The following MAGI1 variants were observed in gnomAD, a reference collection of about 807,000 sequenced individuals.
MAGI1 encodes membrane associated guanylate kinase, WW and PDZ domain containing 1.
A neutral mutation model predicts 139.9 loss-of-function variants in MAGI1; 58 were observed. The ratio of observed to expected loss-of-function variants is 0.41; its 90% CI spans 0.34 to 0.52. The LOEUF (loss-of-function observed/expected upper bound fraction) is 0.52. Among genes scored for constraint, MAGI1 ranks in the 20% least tolerant of loss-of-function variants. The pLI is 0.12. For synonymous variants in MAGI1, 812 were observed against 737.9 expected, an observed-to-expected ratio of 1.10 and a Z score of -1.63; for missense variants, 1,874 against 1,901.6, an observed-to-expected ratio of 0.99 and a Z score of 0.27.
chr3:65,640,432 A>C (rs1243920604), intron 1 of MAGI1, among the ~76,000 whole-genome samples: 1 of 152,134 alleles, frequency 6.6e-6, no homozygotes, highest in South Asian at 2.1e-4. Context: ...AGAGCCTCTG[A>C]TACTTATCTT....
chr3:65,725,770 C>G (rs1414070043), intron 1 of MAGI1, among the ~76,000 whole-genome samples: 1 of 152,256 alleles, frequency 6.6e-6, no homozygotes, highest in African/African-American at 2.4e-5. Context: ...GGGAGCAGCA[C>G]AGTCTTAGCC....
intron 2 of MAGI1, among the ~76,000 whole-genome samples, chr3:65,572,611 G>C (rs141715829): frequency 6.6e-6 from 1 of 152,228 alleles, no homozygotes; most frequent in Non-Finnish European, 1.5e-5. Context: ...AGTTGAACTA[G>C]AGACCTTGAG....
At chr3:65,608,383 C>T (rs963302391) in intron 2 of MAGI1, among the ~76,000 whole-genome samples, 10 of 151,736 alleles carry the variant, frequency 6.6e-5, no homozygotes, top group African/African-American at 1.5e-4. Context: ...TGCAGTAAGC[C>T]GAGATTGCGC....
chr3:66,017,294 A>G (rs1262394828), intron 1 of MAGI1, among the ~76,000 whole-genome samples: 1 of 152,236 alleles, frequency 6.6e-6, no homozygotes, highest in Non-Finnish European at 1.5e-5. Context: ...GCGGCTGCAG[A>G]TGGAAAAACC....
intron 1 of MAGI1, among the ~76,000 whole-genome samples, chr3:66,035,794 A>G (rs535227046): frequency 1.3e-5 from 2 of 152,158 alleles, no homozygotes; most frequent in African/African-American, 2.4e-5. Context: ...ACCTGGAGAC[A>G]CTACAGTTTC....
chr3:65,900,984 G>T (rs2061206212), intron 1 of MAGI1, among the ~76,000 whole-genome samples: 1 of 152,170 alleles, frequency 6.6e-6, no homozygotes. Context: ...CATTCAGCAG[G>T]AAATGAAAAA....
intron 1 of MAGI1, among the ~76,000 whole-genome samples, chr3:66,011,304 G>C (rs1479272885): frequency 6.6e-6 from 1 of 152,166 alleles, no homozygotes; most frequent in Non-Finnish European, 1.5e-5. Context: ...AACAGTCCTA[G>C]AGCGACGAAA....
At chr3:65,468,999 A>G (rs9880446) in intron 5 of MAGI1, among the ~76,000 whole-genome samples, 4,254 of 142,820 alleles carry the variant, frequency 0.03, 225 homozygotes, top group African/African-American at 0.1. Flanking sequence ...ATGTGTGTAT[A>G]CACACACACA....
intron 1 of MAGI1, among the ~76,000 whole-genome samples, chr3:65,733,066 T>C (rs2034348958): frequency 1.4e-5 from 2 of 144,824 alleles, no homozygotes; most frequent in Non-Finnish European, 2.9e-5. Context: ...TTTTTGTTTG[T>C]TTTTTTTGAG....
At chr3:65,516,651 A>T (rs2077895432) in intron 2 of MAGI1, among the ~76,000 whole-genome samples, 1 of 151,452 alleles carries the variant, frequency 6.6e-6, no homozygotes, top group African/African-American at 2.4e-5. Flanking sequence ...CACAATCATG[A>T]GCAAAATACT....
intron 1 of MAGI1, chr3:65,844,442 A>G: frequency 2.9e-6 from 1 of 341,724 alleles, no homozygotes; most frequent in Admixed American, 4.0e-5. Flanking sequence ...ATGGCACAAG[A>G]ATAAATTTGG....
intron 12 of MAGI1, among the ~76,000 whole-genome samples, chr3:65,422,987 C>T (rs1946738833): frequency 6.6e-6 from 1 of 152,256 alleles, no homozygotes; most frequent in African/African-American, 2.4e-5. Flanking sequence ...GGAGGAAGCA[C>T]TGAGACCTGT....
intron 1 of MAGI1, among the ~76,000 whole-genome samples, chr3:65,847,630 T>C (rs1405049050): frequency 6.6e-6 from 1 of 152,252 alleles, no homozygotes; most frequent in Admixed American, 6.5e-5. Context: ...GAGAGTACTC[T>C]TGAGCTTACA....
chr3:65,803,228 G>T (rs996105460), intron 1 of MAGI1, among the ~76,000 whole-genome samples: 3 of 152,058 alleles, frequency 2.0e-5, no homozygotes, highest in Admixed American at 2.0e-4. Flanking sequence ...TAGGAATCCT[G>T]CGATATTATA....
intron 2 of MAGI1, among the ~76,000 whole-genome samples, chr3:65,494,117 C>A (rs1483036507): frequency 1.3e-5 from 2 of 152,180 alleles, no homozygotes; most frequent in African/African-American, 2.4e-5. Flanking sequence ...ACACCTGCTG[C>A]ATAAACACAT....
intron 1 of MAGI1, among the ~76,000 whole-genome samples, chr3:65,694,133 A>G (rs751817393): frequency 4.6e-5 from 7 of 152,260 alleles, no homozygotes; most frequent in Non-Finnish European, 7.3e-5. Flanking sequence ...AAATAGAGCC[A>G]GATAACTAAC....
chr3:65,437,952 C>T (rs1407178854), intron 9 of MAGI1, among the ~76,000 whole-genome samples: 6 of 152,150 alleles, frequency 3.9e-5, no homozygotes, highest in Non-Finnish European at 8.8e-5. Context: ...AAAGGGAATG[C>T]TTATACACTG....
intron 1 of MAGI1, among the ~76,000 whole-genome samples, chr3:65,682,301 C>G (rs75014129): frequency 0.027 from 4,055 of 152,200 alleles, 177 homozygotes; most frequent in African/African-American, 0.091. Context: ...AGGAATCACT[C>G]TGCCCAATTT....
chr3:65,721,054 C>T (rs2032956444), intron 1 of MAGI1, among the ~76,000 whole-genome samples: 1 of 152,098 alleles, frequency 6.6e-6, no homozygotes, highest in African/African-American at 2.4e-5. Flanking sequence ...TGGCCATTCT[C>T]CTAAACTTAC....
Sources: allele counts gnomAD v4.1 joint callset (sites outside exome capture counted in the v4.1 genomes callset), GRCh38; gene constraint gnomAD v4.1.1; transcripts MANE v1.5; gene names NCBI Gene and HGNC (gene_info 2026-07-23, HGNC 2026-07-21).